Variants in TMCC1 observed in about 807,000 individuals in gnomAD.
TMCC1 encodes transmembrane and coiled-coil domains protein 1.
TMCC1 carries 15 observed loss-of-function variants against 52.4 expected under a neutral mutation model. The ratio of observed to expected loss-of-function variants is 0.29; its 90% CI spans 0.19 to 0.44. The LOEUF is 0.44. Ranked by LOEUF, TMCC1 falls within the 20% of genes least tolerant of loss-of-function variation. The pLI, the probability that TMCC1 is intolerant of heterozygous loss-of-function variation, is 1.00. For synonymous variants in TMCC1, 279 were observed against 301.9 expected (o/e 0.92, Z 0.79); for missense variants, 503 against 806.0 (o/e 0.62, Z 4.55).
intron 4 of TMCC1, among the ~76,000 whole-genome samples, chr3:129,823,941 G>A (rs551334685): frequency 4.4e-4 from 67 of 152,256 alleles, no homozygotes; most frequent in African/African-American, 1.4e-3. Context: ...GTTGTATAAA[G>A]GAAAAAGAGG....
chr3:129,738,499 A>C (rs1439891121), intron 4 of TMCC1, among the ~76,000 whole-genome samples: 1 of 142,500 alleles, frequency 7.0e-6, no homozygotes, highest in Non-Finnish European at 1.5e-5. Context: ...ATTTAAAATG[A>C]CTTGTAAAAT....
chr3:129,830,548 A>G (rs2058860856), intron 3 of TMCC1, among the ~76,000 whole-genome samples: 1 of 152,184 alleles, frequency 6.6e-6, no homozygotes, highest in Non-Finnish European at 1.5e-5. Context: ...GGCTATTTAG[A>G]TCCTGAGAAG....
intron 4 of TMCC1, among the ~76,000 whole-genome samples, chr3:129,734,397 T>A (rs760444769): frequency 4.6e-5 from 7 of 152,226 alleles, no homozygotes; most frequent in Non-Finnish European, 8.8e-5. Flanking sequence ...TGTTTTTTTA[T>A]GGACAGATGT....
chr3:129,688,518 C>T (rs1463669255), intron 4 of TMCC1: 3 of 985,416 alleles, frequency 3.0e-6, no homozygotes, highest in Non-Finnish European at 2.4e-6. Flanking sequence ...CAGGCAGGTA[C>T]AGCCGCACCA....
intron 2 of TMCC1, among the ~76,000 whole-genome samples, chr3:129,836,823 T>C (rs541231464): frequency 6.6e-6 from 1 of 152,342 alleles, no homozygotes; most frequent in East Asian, 1.9e-4. Context: ...TGTGGGCTTT[T>C]CCTCCAGGAA....
At chr3:129,889,398 T>C (rs957590171) in intron 1 of TMCC1, among the ~76,000 whole-genome samples, 1 of 152,146 alleles carries the variant, frequency 6.6e-6, no homozygotes, top group African/African-American at 2.4e-5. Flanking sequence ...AAATGTAATG[T>C]GGTATTGTGG....
chr3:129,671,444 T>G (rs146800490), intron 4 of TMCC1, among the ~76,000 whole-genome samples, 180 bp from the exon 5 acceptor site: 28 of 152,326 alleles, frequency 1.8e-4, no homozygotes, highest in African/African-American at 6.5e-4. Context: ...CATACAAGTA[T>G]ACTTTAAGCA....
chr3:129,684,659 G>T (rs1431846222), intron 4 of TMCC1, among the ~76,000 whole-genome samples: 1 of 152,208 alleles, frequency 6.6e-6, no homozygotes, highest in Non-Finnish European at 1.5e-5. Flanking sequence ...GCAATGGAAA[G>T]ATTTCAGTTT....
chr3:129,787,090 A>G (rs1400250782), intron 4 of TMCC1, among the ~76,000 whole-genome samples: 2 of 152,184 alleles, frequency 1.3e-5, no homozygotes, highest in Non-Finnish European at 1.5e-5. Context: ...TTTCTTGGAA[A>G]TATACTCTGG....
At chr3:129,760,377 A>G (rs1430593194) in intron 4 of TMCC1, among the ~76,000 whole-genome samples, 2 of 151,352 alleles carry the variant, frequency 1.3e-5, no homozygotes, top group African/African-American at 4.9e-5. Context: ...CTGGGAACAC[A>G]GCAGCGTGCT....
At chr3:129,733,023 T>C (rs947543376) in intron 4 of TMCC1, among the ~76,000 whole-genome samples, 7 of 152,188 alleles carry the variant, frequency 4.6e-5, no homozygotes, top group African/African-American at 1.7e-4. Context: ...GAATGATAAA[T>C]TAAACCCTGG....
intron 1 of TMCC1, among the ~76,000 whole-genome samples, chr3:129,882,478 G>A (rs983181465): frequency 3.3e-5 from 5 of 152,100 alleles, no homozygotes; most frequent in Admixed American, 2.0e-4. Flanking sequence ...AATGAAAATA[G>A]AATTACCATA....
intron 1 of TMCC1, among the ~76,000 whole-genome samples, chr3:129,882,679 A>G (rs186660363): frequency 6.6e-6 from 1 of 152,380 alleles, no homozygotes; most frequent in African/African-American, 2.4e-5. Context: ...ACAATGGAAT[A>G]CTATGCAGTC....
At chr3:129,652,076 C>A (rs1389527903) in intron 6 of TMCC1, among the ~76,000 whole-genome samples, 1 of 152,194 alleles carries the variant, frequency 6.6e-6, no homozygotes, top group Non-Finnish European at 1.5e-5. Flanking sequence ...GACAAGACCA[C>A]AAATATATGC....
intron 4 of TMCC1, among the ~76,000 whole-genome samples, chr3:129,709,497 A>AAAAAAGAGAGAG (rs554837910): frequency 3.1e-5 from 2 of 64,074 alleles, no homozygotes; most frequent in African/African-American, 1.3e-4. Flanking sequence ...AAAAAAAAAA[A>AAAAAAGAGAGAG]AGAGAGAGAG....
chr3:129,687,001 A>T (rs1008525130), intron 4 of TMCC1, among the ~76,000 whole-genome samples: 1 of 152,260 alleles, frequency 6.6e-6, no homozygotes, highest in African/African-American at 2.4e-5. Flanking sequence ...CTTAGAATTG[A>T]CTTGGTTGAA....
At chr3:129,878,836 G>A (rs2061340167) in intron 2 of TMCC1, among the ~76,000 whole-genome samples, 1 of 152,138 alleles carries the variant, frequency 6.6e-6, no homozygotes, top group Non-Finnish European at 1.5e-5. Flanking sequence ...GGTAATTCAT[G>A]TGCACATTGA....
At chr3:129,845,010 G>A (rs887315219) in intron 2 of TMCC1, among the ~76,000 whole-genome samples, 21 of 152,112 alleles carry the variant, frequency 1.4e-4, no homozygotes, top group African/African-American at 5.1e-4. Flanking sequence ...GGGCAACATG[G>A]TGAAACCCTG....
intron 2 of TMCC1, among the ~76,000 whole-genome samples, chr3:129,843,622 TAGC>T (rs1359227966): frequency 6.6e-6 from 1 of 152,044 alleles, no homozygotes; most frequent in Non-Finnish European, 1.5e-5. Context: ...CTAAATTTGA[TAGC>T]TTAGATAAAA....
Sources: allele counts gnomAD v4.1 joint callset (sites outside exome capture counted in the v4.1 genomes callset), GRCh38; gene constraint gnomAD v4.1.1; transcripts MANE v1.5; gene names NCBI Gene and HGNC (gene_info 2026-07-23, HGNC 2026-07-21).